The following FHIT variants were observed in gnomAD, a reference collection of about 807,000 sequenced individuals.
The protein encoded by FHIT is bis(5'-adenosyl)-triphosphatase.
Under a neutral mutation model 17.9 loss-of-function variants are expected in FHIT, and 19 were observed. That is an observed-to-expected ratio of 1.06 (90% CI 0.74 to 1.56). The LOEUF (loss-of-function observed/expected upper bound fraction) is 1.56, where lower values mean the gene tolerates loss of function less well. FHIT is among the 40% of genes most tolerant of loss of function. The pLI is 0.00. For missense variants in FHIT, 248 were observed against 189.2 expected, an observed-to-expected ratio of 1.31 and a Z score of -1.82; for synonymous variants, 81 against 69.7, an observed-to-expected ratio of 1.16 and a Z score of -0.81.
At chr3:60,083,363 T>C (rs116391980) in intron 5 of FHIT, among the ~76,000 whole-genome samples, 53 of 152,304 alleles carry the variant, frequency 3.5e-4, no homozygotes, top group Non-Finnish European at 5.1e-4. Context: ...TGTAGCCTTA[T>C]AGTACAGTTT....
chr3:60,113,130 G>C (rs1380979234), intron 5 of FHIT, among the ~76,000 whole-genome samples: 2 of 152,110 alleles, frequency 1.3e-5, no homozygotes, highest in African/African-American at 4.8e-5. Context: ...AGTCTTCATG[G>C]CACTTAATGC....
chr3:60,765,650 G>A (rs1699824527), intron 4 of FHIT: 1 of 152,204 alleles, frequency 6.6e-6, no homozygotes, highest in Admixed American at 6.5e-5. Context: ...GTGTCGACTA[G>A]ATTGGATTGA....
chr3:60,641,138 C>T (rs1424334927), intron 4 of FHIT, among the ~76,000 whole-genome samples: 1 of 152,022 alleles, frequency 6.6e-6, no homozygotes, highest in Non-Finnish European at 1.5e-5. Flanking sequence ...CAAGATTATG[C>T]CATTGCACTC....
intron 1 of FHIT, among the ~76,000 whole-genome samples, chr3:61,236,507 G>C (rs2040234964): frequency 6.6e-6 from 1 of 152,090 alleles, no homozygotes; most frequent in African/African-American, 2.4e-5. Flanking sequence ...CTTCTACAGA[G>C]GGCAGGGAAA....
At position 61,235,083 on chromosome 3, in the gene FHIT, G is replaced by C. The variant is rs151335558; in HGVS notation, c.-213+16218C>G. The stretch of plus-strand genomic sequence containing the variant: ...AAACAATAAAAATGAATGTTAATTT[G>C]CTATGTCATTGATAAAAGCAATTCC... On this transcript the variant is annotated intron_variant, in intron 1 of 9. Transcript: ENST00000492590. Among the ~76,000 whole-genome samples, 780 of 152,266 alleles carry C rather than the reference G, an allele frequency of 5.1e-3. 9 individuals carry two copies. Among genetic ancestry groups the C allele is most frequent in the African/African-American group, 0.018 (749 of 41,546 alleles).
At chr3:60,185,929 C>T (rs1047085264) in intron 5 of FHIT, among the ~76,000 whole-genome samples, 19 of 152,132 alleles carry the variant, frequency 1.2e-4, no homozygotes, top group African/African-American at 4.6e-4. Flanking sequence ...TTCATATGTA[C>T]GTTTTCCATC....
rs142297072 is a variant in FHIT at position 60,014,068 on chromosome 3, T to C, written c.188A>G (p.Gln63Arg). Residue 63 changes from glutamine to arginine, a missense_variant, in exon 6 of 10, where the codon CAG (glutamine) becomes CGG (arginine). By Grantham distance (43) the Gln-to-Arg change is conservative (BLOSUM62 1). Transcript: ENST00000492590. ...DEVADLFQTT[Q>R]RVGTVVEKHF... is the part of the protein sequence containing the mutation. ...TTTTTCCACCACTGTCCCGACTCTC[T>C]GGGTCGTCTGAAACAAATCGGCCAC... 1.4e-4 allele frequency: 220 copies of C among 1,614,048 alleles called. No individual in the cohort carries two copies. In the African/African-American group the frequency reaches 2.7e-3, roughly 20 times the overall value.
chr3:60,534,157 G>A (rs1300962214), intron 5 of FHIT, among the ~76,000 whole-genome samples: 1 of 152,080 alleles, frequency 6.6e-6, no homozygotes, highest in Non-Finnish European at 1.5e-5. Context: ...GCCGGGCGCG[G>A]TGGCTCACGC....
intron 5 of FHIT, among the ~76,000 whole-genome samples, chr3:60,145,289 A>G (rs2107312954): frequency 6.6e-6 from 1 of 152,338 alleles, no homozygotes; most frequent in South Asian, 2.1e-4. Flanking sequence ...GCTACCTCAA[A>G]GAGATAACAG....
intron 3 of FHIT, among the ~76,000 whole-genome samples, chr3:60,928,600 A>G (rs184081330): frequency 1.3e-5 from 2 of 152,050 alleles, no homozygotes; most frequent in East Asian, 3.9e-4. Context: ...TGCTAAAAAA[A>G]AAAAAGAAAA....
chr3:60,950,683 AT>A (rs80205990), intron 3 of FHIT, among the ~76,000 whole-genome samples: 4,257 of 144,454 alleles, frequency 0.029, 173 homozygotes, highest in African/African-American at 0.095. Context: ...CACCTGGCTA[AT>A]TTTTTTTTTT....
chr3:59,960,974 C>G (rs573783432), intron 7 of FHIT, among the ~76,000 whole-genome samples: 173 of 152,292 alleles, frequency 1.1e-3, no homozygotes, highest in Non-Finnish European at 2.1e-3. Flanking sequence ...CTCAAAAGGA[C>G]TATCTTTGAG....
At chr3:60,665,586 A>G (rs1423030464) in intron 4 of FHIT, among the ~76,000 whole-genome samples, 51 of 151,944 alleles carry the variant, frequency 3.4e-4, no homozygotes, top group Admixed American at 3.3e-3. Flanking sequence ...TACTAGTATA[A>G]GCACTCCTGT....
chr3:60,321,828 G>A (rs370860043), intron 5 of FHIT, among the ~76,000 whole-genome samples: 21 of 152,274 alleles, frequency 1.4e-4, no homozygotes, highest in African/African-American at 1.9e-4. Context: ...TTAAGATGGC[G>A]CCTTCTTGAA....
At chr3:60,572,668 T>G (rs2037426303) in intron 4 of FHIT, among the ~76,000 whole-genome samples, 1 of 152,172 alleles carries the variant, frequency 6.6e-6, no homozygotes, top group Non-Finnish European at 1.5e-5. Context: ...TTCTGCCATC[T>G]TGAGTCTTAA....
intron 4 of FHIT, among the ~76,000 whole-genome samples, chr3:60,621,775 AG>A (rs781872153): frequency 2.0e-5 from 3 of 151,982 alleles, no homozygotes; most frequent in South Asian, 2.1e-4. Flanking sequence ...TGGGAGGCTG[AG>A]GAGGGAAGAT....
At chr3:59,915,667 C>T (rs62238309) in intron 8 of FHIT, among the ~76,000 whole-genome samples, 53,707 of 152,178 alleles carry the variant, frequency 0.35, 10,378 homozygotes, top group Middle Eastern at 0.45. Flanking sequence ...GGGCTGGGCA[C>T]AGTGGCTCAT....
intron 4 of FHIT, among the ~76,000 whole-genome samples, chr3:60,804,553 C>T (rs377129873): frequency 3.3e-5 from 5 of 152,258 alleles, no homozygotes; most frequent in African/African-American, 7.2e-5. Context: ...TACATTACTA[C>T]GAGTAGGAAC....
intron 8 of FHIT, among the ~76,000 whole-genome samples, chr3:59,781,637 A>C: frequency 6.6e-6 from 1 of 152,218 alleles, no homozygotes; most frequent in Non-Finnish European, 1.5e-5. Context: ...GAGATGGCAA[A>C]AGTTATGGAT....
Sources: gnomAD v4.1 joint callset for allele counts (sites outside exome capture counted in the v4.1 genomes callset) on GRCh38, gnomAD v4.1.1 for gene constraint, MANE v1.5 for transcripts, NCBI Gene and HGNC (gene_info 2026-07-23, HGNC 2026-07-21) for gene names.